PHF3: variants seen among roughly 807,000 people sequenced by gnomAD.
PHF3 encodes PHD finger protein 3.
In PHF3, 41 loss-of-function variants were observed where a neutral mutation model predicts 178.4. The ratio of observed to expected loss-of-function variants is 0.23; its 90% CI spans 0.18 to 0.30. The LOEUF (loss-of-function observed/expected upper bound fraction) is 0.30, where lower values mean the gene tolerates loss of function less well. PHF3 is among the 10% of genes least tolerant of loss of function. The pLI, the probability that PHF3 is intolerant of heterozygous loss-of-function variation, is 1.00. For missense variants in PHF3, 2,346 were observed against 2,398.1 expected, an observed-to-expected ratio of 0.98 and a Z score of 0.45; for synonymous variants, 842 against 800.5, an observed-to-expected ratio of 1.05 and a Z score of -0.88.
chr6:63,655,834 G>A (rs998189094), intron 2 of PHF3, among the ~76,000 whole-genome samples: 5 of 151,966 alleles, frequency 3.3e-5, no homozygotes, highest in Non-Finnish European at 5.9e-5. Flanking sequence ...GCAGTGTTGG[G>A]GTTTTGCTAT....
intron 7 of PHF3, 28 bp downstream of exon 7, chr6:63,698,395 T>C (rs1368597191): frequency 6.3e-7 from 1 of 1,587,892 alleles, no homozygotes; most frequent in South Asian, 1.1e-5. Context: ...TATAGAAGTA[T>C]CAATAATTAT....
intron 1 of PHF3, among the ~76,000 whole-genome samples, chr6:63,643,154 TAA>T (rs1421463098): frequency 3.9e-5 from 6 of 152,282 alleles, no homozygotes; most frequent in African/African-American, 1.4e-4. Context: ...TTCCATGATC[TAA>T]TCCAGGGTAC....
chr6:63,712,170 G>A lies in PHF3; in HGVS notation c.4582G>A (p.Asp1528Asn). Residue 1528 changes from aspartate to asparagine, a missense_variant, in exon 16 of 16, where the codon GAT (aspartate) becomes AAT (asparagine). Physicochemically the swap from Asp to Asn is conservative, Grantham distance 23. Around this residue, in one of 8 missense-constraint regions of PHF3, gnomAD observed 839 missense variants for 806.9 expected, o/e 1.04. Transcript: ENST00000262043. ...AAACAAGGAGATAAAAGTTAAAGTAGATAATATTTCAGAATCTACAGATAA... is the reference window on the plus strand; with the variant it reads ...AAACAAGGAGATAAAAGTTAAAGTAAATAATATTTCAGAATCTACAGATAA... ...GENKEIKVKV[D>N]NISESTDKSA... 1 of 1,613,576 alleles carries A rather than the reference G, an allele frequency of 6.2e-7. No individual in the cohort carries two copies. The highest frequency in any genetic ancestry group is 8.5e-7 in the Non-Finnish European group (1 of 1,179,736).
At chr6:63,692,610 A>C (rs576184404) in intron 5 of PHF3, among the ~76,000 whole-genome samples, 15 of 152,310 alleles carry the variant, frequency 9.8e-5, no homozygotes, top group African/African-American at 3.6e-4. Context: ...ACTGATAGAG[A>C]GGAGAAACAG....
rs1236335417 is a variant in PHF3, at chr6:63,717,660, C to G, written c.*3952C>G. Among the ~76,000 whole-genome samples the G allele has an allele frequency of 6.6e-6, 1 of 151,972 alleles. No individual in the cohort carries two copies. Among genetic ancestry groups the G allele is most frequent in the Non-Finnish European group, 1.5e-5 (1 of 67,938 alleles). ...GAGCAGAGTCATTGAGGGAAATAGC[C>G]TAAGCACTCAAAGGGCAGTGAATCC... On this transcript the variant is annotated 3_prime_UTR_variant, in exon 16 of 16. Transcript: ENST00000262043.
At chr6:63,661,067 T>A (rs1582026140) in intron 2 of PHF3, among the ~76,000 whole-genome samples, 1 of 152,158 alleles carries the variant, frequency 6.6e-6, no homozygotes, top group African/African-American at 2.4e-5. Flanking sequence ...ATGGGCTAGT[T>A]CATTAGTTTG....
In PHF3 at chr6:63,712,337, G is replaced by A. The variant is rs574169958; in HGVS notation, c.4749G>A (p.Glu1583=). 63 of 1,612,932 alleles carry A rather than the reference G, an allele frequency of 3.9e-5. No homozygotes were observed. In the South Asian group the frequency reaches 6.2e-4, roughly 16 times the overall value. ...ATTTATCAATTCAGTCAAAACAAGA[G>A]GAAACTGTGGAGAGTAAAGAGAAAA... ...LTNLSIQSKQ[E]ETVESKEKTL... Residue 1583 remains glutamate, a synonymous_variant, in exon 16 of 16, where the codon GAG becomes GAA. Transcript: ENST00000262043.
Position 63,724,284 on chromosome 6 carries a change from C to T in PHF3, c.*10576C>T, listed in dbSNP as rs891062908. ...TCTACCTCATCATCTGCTATCCCAC[C>T]GTGCTTTATTATAGATAAGAGAAAC... On this transcript the variant is annotated 3_prime_UTR_variant, in exon 16 of 16. Transcript: ENST00000262043. Among the ~76,000 whole-genome samples the T allele has an allele frequency of 6.6e-6, 1 of 152,116 alleles. No individual in the cohort carries two copies. The highest frequency in any genetic ancestry group is 2.4e-5 in the African/African-American group (1 of 41,426).
chr6:63,709,063 G>T, intron 13 of PHF3, 88 bp from the exon 14 acceptor site: 2 of 645,288 alleles, frequency 3.1e-6, no homozygotes, highest in Admixed American at 2.9e-5. Flanking sequence ...TTTCAAATTA[G>T]TCTTAGAATC....
intron 2 of PHF3, among the ~76,000 whole-genome samples, chr6:63,673,931 G>T (rs1225400954): frequency 6.6e-6 from 1 of 152,138 alleles, no homozygotes; most frequent in Non-Finnish European, 1.5e-5. Context: ...ATATTGCAGA[G>T]AAAAACATTC....
rs999467700 is a variant in PHF3, at chr6:63,719,268, C to T, written c.*5560C>T. Among the ~76,000 whole-genome samples, 2 of 152,084 alleles carry T rather than the reference C, an allele frequency of 1.3e-5. No homozygotes were observed. The highest frequency in any genetic ancestry group is 2.9e-5 in the Non-Finnish European group (2 of 67,970). ...ATAGTTTTTGAATGATAAATTACTA[C>T]CTCGTTACTTTGTATAGACTGGAAT... On this transcript the variant is annotated 3_prime_UTR_variant, in exon 16 of 16. Transcript: ENST00000262043.
intron 10 of PHF3, among the ~76,000 whole-genome samples, chr6:63,703,124 C>T (rs1339570557): frequency 6.6e-6 from 1 of 152,196 alleles, no homozygotes; most frequent in East Asian, 1.9e-4. Flanking sequence ...GTGATCTGCC[C>T]ACCTCGGCCT....
intron 1 of PHF3, among the ~76,000 whole-genome samples, chr6:63,640,360 C>G (rs1250880184): frequency 2.0e-5 from 3 of 152,184 alleles, no homozygotes. Flanking sequence ...CAGAGTGGAT[C>G]TGAGTCCTGG....
intron 2 of PHF3, among the ~76,000 whole-genome samples, chr6:63,650,771 ATTTGTTTAAAAAGT>A: frequency 6.6e-6 from 1 of 152,144 alleles, no homozygotes; most frequent in African/African-American, 2.4e-5. Context: ...TGTGTCACAG[ATTTGTTTAAAAAGT>A]TTTGGGTTTT....
At chr6:63,662,091 G>A (rs1032645796) in intron 2 of PHF3, among the ~76,000 whole-genome samples, 3 of 152,130 alleles carry the variant, frequency 2.0e-5, no homozygotes, top group African/African-American at 7.2e-5. Flanking sequence ...GAGGGATCTA[G>A]GTTGTGCTCT....
At position 63,714,931 on chromosome 6, in the gene PHF3, TA is replaced by T. The variant is rs950188233; in HGVS notation, c.*1227del. On this transcript the variant is annotated 3_prime_UTR_variant, in exon 16 of 16. Transcript: ENST00000262043. ...TTCAAATCTAAATTTATTTAAACCC[TA>T]AAACACATGGTTTTGATGGCTGTAA... The T allele has an allele frequency of 6.6e-6, 1 of 152,056 alleles. No individual in the cohort carries two copies. The highest frequency in any genetic ancestry group is 2.4e-5 in the African/African-American group (1 of 41,448). 9.4% of individuals were successfully genotyped at this position (152,056 alleles called of 1,614,324 possible). A position where few individuals can be genotyped will look rare whatever the true frequency, so the allele number is the denominator to read the frequency against.
rs1433024088 is a variant in PHF3, at chr6:63,694,466, C to T, written c.2497-115C>T. 9.8e-6 allele frequency: 7 copies of T among 716,756 alleles called. No individual in the cohort carries two copies. In the South Asian group the frequency reaches 1.2e-4, roughly 12 times the overall value. The allele number at this position is 716,756 out of a possible 1,614,324, so 44.4% of individuals were successfully genotyped here. Reference sequence around the variant, plus strand: ...CACAAAATAGGTGCAGAATAGATTTCGAATGAAAGAGTGAATCTCATTTTA... The same window carrying T: ...CACAAAATAGGTGCAGAATAGATTTTGAATGAAAGAGTGAATCTCATTTTA... On this transcript the variant is annotated intron_variant, in intron 5 of 15. Coordinates refer to ENST00000262043, the MANE Select transcript of PHF3 (RefSeq NM_001370348.2).
Position 63,684,915 on chromosome 6 carries a change from C to T in PHF3, c.1193C>T (p.Pro398Leu), listed in dbSNP as rs200854574. 8.9e-5 allele frequency: 143 copies of T among 1,613,790 alleles called. No individual in the cohort carries two copies. Among genetic ancestry groups the T allele is most frequent in the Non-Finnish European group, 1.1e-4 (125 of 1,179,938 alleles). Reference protein sequence around the residue: ...ENTLERNKIEPLGYCEDAESN... With the variant: ...ENTLERNKIELLGYCEDAESN... ...ACCCTTGAAAGAAATAAAATTGAAC[C>T]GTTGGGTTATTGTGAAGATGCGGAG... Residue 398 changes from proline to leucine, a missense_variant, in exon 4 of 16, where the codon CCG becomes CTG. Physicochemically the swap from Pro to Leu is moderately conservative, Grantham distance 98 (BLOSUM62 -3). This residue lies in a region of PHF3 where 843 missense variants were observed against 795.2 expected (regional missense o/e 1.06). Transcript: ENST00000262043.
At chr6:63,693,638 C>T (rs971346537) in intron 5 of PHF3, among the ~76,000 whole-genome samples, 2 of 152,092 alleles carry the variant, frequency 1.3e-5, no homozygotes, top group African/African-American at 4.8e-5. Context: ...CATCATAAAA[C>T]GTTAACAATT....
Sources: allele counts gnomAD v4.1 joint callset (sites outside exome capture counted in the v4.1 genomes callset), GRCh38; gene constraint gnomAD v4.1.1; regional missense constraint gnomAD v4.1.1; transcripts MANE v1.5; gene names NCBI Gene and HGNC (gene_info 2026-07-23, HGNC 2026-07-21).